Variants in ARGFX observed in about 807,000 individuals in gnomAD.
ARGFX encodes arginine-fifty homeobox.
In ARGFX, 10 loss-of-function variants were observed where a neutral mutation model predicts 8.0. The observed-to-expected ratio is 1.25, with a 90% CI of 0.77 to 2.12. The LOEUF (loss-of-function observed/expected upper bound fraction) is 2.12. ARGFX is among the 30% of genes most tolerant of loss of function. The pLI, the probability that ARGFX is intolerant of heterozygous loss-of-function variation, is 0.00. For missense variants in ARGFX, 282 were observed against 324.3 expected (o/e 0.87, Z 1.00); for synonymous variants, 116 against 117.8 (o/e 0.98, Z 0.10).
chr3:121,578,499 T>G (rs2048758042), intron 3 of ARGFX, among the ~76,000 whole-genome samples: 1 of 151,996 alleles, frequency 6.6e-6, no homozygotes, highest in Non-Finnish European at 1.5e-5. Context: ...TTCTAGCACT[T>G]TGGGAGGCTG....
chr3:121,585,306 G>T (rs1164628576), intron 4 of ARGFX, among the ~76,000 whole-genome samples: 1 of 152,122 alleles, frequency 6.6e-6, no homozygotes, highest in African/African-American at 2.4e-5. Context: ...AAATAGTGTT[G>T]CTAGAACTAA....
At chr3:121,571,730 A>ATTTTT (rs1173636701) in intron 2 of ARGFX, among the ~76,000 whole-genome samples, 58 of 106,918 alleles carry the variant, frequency 5.4e-4, no homozygotes, top group East Asian at 3.3e-3. Flanking sequence ...TGCCCGGCAA[A>ATTTTT]TTTTTTTTTT....
intron 3 of ARGFX, among the ~76,000 whole-genome samples, chr3:121,578,501 G>C (rs1184875232): frequency 6.6e-6 from 1 of 152,018 alleles, no homozygotes; most frequent in Non-Finnish European, 1.5e-5. Context: ...CTAGCACTTT[G>C]GGAGGCTGAG....
rs1271996688 is a variant in ARGFX at position 121,588,349 on chromosome 3, A to G, written c.*1749A>G. ...AAAAAAAAGCCAGGCATGGTGGCAC[A>G]CACCTGTAATCCCAGCTACTCGGGA... On this transcript the variant is annotated 3_prime_UTR_variant, in exon 5 of 5. Coordinates refer to ENST00000334384, the MANE Select transcript of ARGFX (RefSeq NM_001012659.2). Among the ~76,000 whole-genome samples the G allele has an allele frequency of 6.7e-6, 1 of 149,414 alleles. No homozygotes were observed. Among genetic ancestry groups the G allele is most frequent in the Admixed American group, 6.7e-5 (1 of 14,964 alleles).
chr3:121,575,144 C>G (rs1023465601), intron 2 of ARGFX, among the ~76,000 whole-genome samples: 1 of 151,758 alleles, frequency 6.6e-6, no homozygotes, highest in Non-Finnish European at 1.5e-5. Flanking sequence ...ATGGTGAGAC[C>G]CCCCATCTCT....
intron 1 of ARGFX, among the ~76,000 whole-genome samples, chr3:121,568,836 C>T (rs1466254951): frequency 6.6e-6 from 1 of 152,134 alleles, no homozygotes; most frequent in East Asian, 1.9e-4. Flanking sequence ...AGAACAGATG[C>T]TTAGTGAAGT....
chr3:121,575,912 C>T (rs1486004471), intron 2 of ARGFX, among the ~76,000 whole-genome samples: 1 of 86,818 alleles, frequency 1.2e-5, no homozygotes, highest in African/African-American at 4.0e-5. Flanking sequence ...GACTCTGTCT[C>T]AAACATTAAA....
In ARGFX at chr3:121,589,717, A is replaced by C. The variant is rs1351004759; in HGVS notation, c.*3117A>C. ...AAATGAAGTATATTAGACAACAACA[A>C]AAGGAACAACTAACCTGAAATATAT... On this transcript the variant is annotated 3_prime_UTR_variant, in exon 5 of 5. Coordinates refer to ENST00000334384, the MANE Select transcript of ARGFX (RefSeq NM_001012659.2). 6.6e-6 allele frequency among the ~76,000 whole-genome samples: 1 copy of C among 152,144 alleles called. No homozygotes were observed. Among genetic ancestry groups the C allele is most frequent in the Non-Finnish European group, 1.5e-5 (1 of 68,032 alleles).
Position 121,588,425 on chromosome 3 carries a change from C to T in ARGFX, c.*1825C>T, listed in dbSNP as rs1251938112. On this transcript the variant is annotated 3_prime_UTR_variant, in exon 5 of 5. Coordinates refer to ENST00000334384, the MANE Select transcript of ARGFX (RefSeq NM_001012659.2). ...CCTGGGAGGTGGAGGTTGCAGTGAG[C>T]TGAGGTCGCACCACTGCACTCCAGC... 6.7e-6 allele frequency among the ~76,000 whole-genome samples: 1 copy of T among 148,388 alleles called. No homozygotes were observed. Among genetic ancestry groups the T allele is most frequent in the Non-Finnish European group, 1.5e-5 (1 of 67,336 alleles).
intron 2 of ARGFX, among the ~76,000 whole-genome samples, chr3:121,571,441 GA>G (rs1425507997): frequency 2.0e-5 from 3 of 151,798 alleles, no homozygotes; most frequent in African/African-American, 7.3e-5. Context: ...TAGGTACTAA[GA>G]AATAAACTTA....
intron 3 of ARGFX, among the ~76,000 whole-genome samples, chr3:121,582,206 G>C (rs891228470): frequency 2.0e-5 from 3 of 152,166 alleles, no homozygotes; most frequent in Non-Finnish European, 4.4e-5. Context: ...TGGGGGGAAA[G>C]TGGTTATCTT....
intron 2 of ARGFX, among the ~76,000 whole-genome samples, chr3:121,572,312 G>T (rs1055082153): frequency 6.7e-6 from 1 of 148,624 alleles, no homozygotes; most frequent in Non-Finnish European, 1.5e-5. Context: ...AGCGATCTCG[G>T]ATCACTGCAA....
At chr3:121,581,110 G>A (rs962810932) in intron 3 of ARGFX, among the ~76,000 whole-genome samples, 3 of 152,048 alleles carry the variant, frequency 2.0e-5, no homozygotes, top group Non-Finnish European at 4.4e-5. Flanking sequence ...TGGGCTTACA[G>A]GCACACATCA....
At chr3:121,568,324 T>C (rs921275867) in intron 1 of ARGFX, among the ~76,000 whole-genome samples, 2 of 152,204 alleles carry the variant, frequency 1.3e-5, no homozygotes, top group African/African-American at 4.8e-5. Context: ...GTAAACTCCA[T>C]CATAGCAACT....
intron 3 of ARGFX, among the ~76,000 whole-genome samples, chr3:121,581,857 C>A (rs2048782254): frequency 6.6e-6 from 1 of 151,940 alleles, no homozygotes; most frequent in African/African-American, 2.4e-5. Flanking sequence ...GAGCTATAAT[C>A]AAGCAACTGC....
At position 121,567,975 on chromosome 3, in the gene ARGFX, T is replaced by C. The variant is rs1186807204; in HGVS notation, c.-51T>C. Among the ~76,000 whole-genome samples the C allele has an allele frequency of 2.0e-5, 3 of 151,984 alleles. No homozygotes were observed. The East Asian group carries it at 5.8e-4, about 29-fold the overall frequency. On this transcript the variant is annotated 5_prime_UTR_variant, in exon 1 of 5. Coordinates refer to ENST00000334384, the MANE Select transcript of ARGFX (RefSeq NM_001012659.2). ...CATTTCCAGAGAGAGACACACCACG[T>C]AGGACTGAAAATGGTTACTCTAAGG...
At chr3:121,583,641 C>A (rs1340664342) in intron 3 of ARGFX, among the ~76,000 whole-genome samples, 1 of 151,986 alleles carries the variant, frequency 6.6e-6, no homozygotes. Flanking sequence ...ATCCTCCCAC[C>A]TCAGCCTCAA....
At position 121,588,743 on chromosome 3, in the gene ARGFX, C is replaced by T. The variant is rs1217842671; in HGVS notation, c.*2143C>T. On this transcript the variant is annotated 3_prime_UTR_variant, in exon 5 of 5. Transcript: ENST00000334384. The stretch of plus-strand genomic sequence containing the variant: ...ACCATCCTGGCCAACATGGTGAAAT[C>T]CTGCCTCTACTAAAAATACAAAAAA... 6.6e-6 allele frequency among the ~76,000 whole-genome samples: 1 copy of T among 150,718 alleles called. No individual in the cohort carries two copies. The highest frequency in any genetic ancestry group is 6.6e-5 in the Admixed American group (1 of 15,122).
Position 121,588,433 on chromosome 3 carries a change from G to A in ARGFX, c.*1833G>A, listed in dbSNP as rs1332660357. 1.3e-5 allele frequency among the ~76,000 whole-genome samples: 2 copies of A among 148,760 alleles called. No homozygotes were observed. Among genetic ancestry groups the A allele is most frequent in the African/African-American group, 2.5e-5 (1 of 40,414 alleles). On this transcript the variant is annotated 3_prime_UTR_variant, in exon 5 of 5. Coordinates refer to ENST00000334384, the MANE Select transcript of ARGFX (RefSeq NM_001012659.2). ...GTGGAGGTTGCAGTGAGCTGAGGTCGCACCACTGCACTCCAGCCTGGACAA... is the reference window on the plus strand; with the variant it reads ...GTGGAGGTTGCAGTGAGCTGAGGTCACACCACTGCACTCCAGCCTGGACAA...
Sources: gnomAD v4.1 joint callset for allele counts (sites outside exome capture counted in the v4.1 genomes callset) on GRCh38, gnomAD v4.1.1 for gene constraint, MANE v1.5 for transcripts, NCBI Gene and HGNC (gene_info 2026-07-23, HGNC 2026-07-21) for gene names.